Variants in CCP110 observed in about 807,000 individuals in gnomAD.
CCP110 encodes centriolar coiled-coil protein 110.
In CCP110, 43 loss-of-function variants were observed where a neutral mutation model predicts 105.5. The ratio of observed to expected loss-of-function variants is 0.41; its 90% CI spans 0.32 to 0.53. CCP110 has a LOEUF of 0.53. CCP110 is among the 20% of genes least tolerant of loss of function. CCP110 has a pLI of 0.32. For missense variants in CCP110, 1,016 were observed against 1,189.1 expected, an observed-to-expected ratio of 0.85 and a Z score of 2.14; for synonymous variants, 353 against 392.1, an observed-to-expected ratio of 0.90 and a Z score of 1.18.
At chr16:19,543,837 G>A (rs977106587) in intron 8 of CCP110, among the ~76,000 whole-genome samples, 1 of 152,114 alleles carries the variant, frequency 6.6e-6, no homozygotes, top group Non-Finnish European at 1.5e-5. Context: ...TAAATTTGTG[G>A]TCGGACCAGT....
chr16:19,543,126 CTGAT>C (rs1414661973), intron 8 of CCP110, 132 bp downstream of exon 8: 4 of 592,846 alleles, frequency 6.7e-6, no homozygotes, highest in East Asian at 2.9e-5. Context: ...TTTTAGAAGT[CTGAT>C]TGTTTGTTGC....
At chr16:19,526,291 T>C (rs1567345550) in intron 1 of CCP110, 1 of 152,208 alleles carries the variant, frequency 6.6e-6, no homozygotes, top group Non-Finnish European at 1.5e-5. Flanking sequence ...TGCTTGAGTA[T>C]CCATAGAAGA....
intron 6 of CCP110, 71 bp from the exon 7 acceptor site, chr16:19,542,550 T>C (rs1970323417): frequency 9.5e-6 from 11 of 1,157,984 alleles, no homozygotes; most frequent in Non-Finnish European, 1.4e-5. Context: ...GTGTCACAAG[T>C]GTTTATTGGG....
intron 9 of CCP110, 61 bp from the exon 10 acceptor site, chr16:19,545,033 T>C: frequency 1.9e-6 from 2 of 1,063,890 alleles, no homozygotes; most frequent in Non-Finnish European, 1.4e-6. Context: ...TGGTATATAG[T>C]ATTCCTGAAC....
At chr16:19,535,875 A>G in intron 3 of CCP110, 65 bp from the exon 4 acceptor site, 1 of 1,098,648 alleles carries the variant, frequency 9.1e-7, no homozygotes, top group Admixed American at 2.6e-5. Flanking sequence ...TTATTTTAGA[A>G]AACAGTGAAA....
intron 1 of CCP110, chr16:19,526,439 T>A (rs915705692): frequency 6.6e-6 from 1 of 152,194 alleles, no homozygotes; most frequent in African/African-American, 2.4e-5. Context: ...AAAAAGGCTA[T>A]GCCTTAAGGT....
rs1415332998 is a variant in CCP110, at chr16:19,548,685, A to G, written c.2986+85A>G. The G allele has an allele frequency of 7.5e-6, 6 of 799,220 alleles. No homozygotes were observed. Among genetic ancestry groups the G allele is most frequent in the Non-Finnish European group, 1.2e-5 (6 of 499,744 alleles). The allele number at this position is 799,220 out of a possible 1,614,324, so 49.5% of individuals were successfully genotyped here. A position where few individuals can be genotyped will look rare whatever the true frequency, so the allele number is the denominator to read the frequency against. ...ATAACTCAGGCCATAGAAGTGGAAT[A>G]GATTGTCTTTCCTTGCCACCATAAT... On this transcript the variant is annotated intron_variant, in intron 14 of 14. Coordinates refer to ENST00000381396, the Ensembl canonical transcript of CCP110. This position sits in a 1 kb window ranked among gnomAD's most constrained non-coding sequence, Gnocchi z 4.1.
At position 19,527,792 on chromosome 16, in the gene CCP110, G is replaced by A. The variant is rs1211929766; in HGVS notation, c.-15-75G>A. 4.1e-6 allele frequency: 5 copies of A among 1,223,562 alleles called. No individual in the cohort carries two copies. In the East Asian group the frequency reaches 1.3e-4, roughly 31 times the overall value. The allele number at this position is 1,223,562 out of a possible 1,614,324, so 75.8% of individuals were successfully genotyped here. On this transcript the variant is annotated intron_variant, in intron 1 of 14. Transcript: ENST00000381396. ...TTGTGAATTATAGGGACTCTCTCATGCTCTACAAAATCTGCCAAATAATTA... is the reference window on the plus strand; with the variant it reads ...TTGTGAATTATAGGGACTCTCTCATACTCTACAAAATCTGCCAAATAATTA...
At chr16:19,547,875 C>A in intron 12 of CCP110, 80 bp from the exon 13 acceptor site, 1 of 972,128 alleles carries the variant, frequency 1.0e-6, no homozygotes, top group Non-Finnish European at 1.7e-6. Flanking sequence ...TTACAGTCAT[C>A]ATCTTTCATC....
At chr16:19,528,459 C>T (rs72767517) in intron 2 of CCP110, among the ~76,000 whole-genome samples, 4,222 of 152,260 alleles carry the variant, frequency 0.028, 77 homozygotes, top group Non-Finnish European at 0.041. Flanking sequence ...AGTAGTTTAA[C>T]TATGGTCTAT....
rs1281924057 is a variant in CCP110, at chr16:19,548,754, G to C, written c.2986+154G>C. On this transcript the variant is annotated intron_variant, in intron 14 of 14. Transcript: ENST00000381396. This position sits in a 1 kb window ranked among gnomAD's most constrained non-coding sequence, Gnocchi z 4.1. ...ATCTTATTAGTGTTCTTTGGTCTTA[G>C]CATTGTATGGCAGTCAGGAAGTCTT... Among the ~76,000 whole-genome samples the C allele has an allele frequency of 6.6e-6, 1 of 152,120 alleles. No individual in the cohort carries two copies. Among genetic ancestry groups the C allele is most frequent in the African/African-American group, 2.4e-5 (1 of 41,412 alleles).
intron 5 of CCP110, 49 bp from the exon 6 acceptor site, chr16:19,541,838 G>T: frequency 9.5e-7 from 1 of 1,051,930 alleles, no homozygotes; most frequent in Non-Finnish European, 1.3e-6. Flanking sequence ...TATCATTTTG[G>T]GACATAATTA....
chr16:19,535,563 G>A (rs1034485272), intron 3 of CCP110, among the ~76,000 whole-genome samples: 16 of 152,060 alleles, frequency 1.1e-4, no homozygotes, highest in African/African-American at 3.6e-4. Context: ...GGAACAGTTG[G>A]TAATGTTAAT....
chr16:19,549,438 A>C (rs1597282607), intron 14 of CCP110, among the ~76,000 whole-genome samples: 2 of 152,188 alleles, frequency 1.3e-5, no homozygotes, highest in African/African-American at 2.4e-5. Context: ...ATTTCCTTCA[A>C]ATTAGGAGGG....
chr16:19,544,818 A>C (rs779263989), exon 9 of CCP110: 10 of 1,580,722 alleles, frequency 6.3e-6, no homozygotes, highest in Non-Finnish European at 8.7e-6. Flanking sequence ...ATTCATAAGA[A>C]GTTTTCAGTC....
chr16:19,534,299 T>C (rs1032992420), intron 3 of CCP110, among the ~76,000 whole-genome samples: 1 of 152,208 alleles, frequency 6.6e-6, no homozygotes, highest in African/African-American at 2.4e-5. Context: ...TGAGGGAAGA[T>C]AAAATATACT....
chr16:19,540,970 T>C (rs1270903801), intron 5 of CCP110, among the ~76,000 whole-genome samples, 183 bp downstream of exon 5: 1 of 152,232 alleles, frequency 6.6e-6, no homozygotes, highest in African/African-American at 2.4e-5. Flanking sequence ...GATCCTTATC[T>C]AAAAGTAATT....
chr16:19,537,843 C>T (rs985626058), intron 4 of CCP110, among the ~76,000 whole-genome samples: 17 of 152,268 alleles, frequency 1.1e-4, no homozygotes, highest in East Asian at 3.9e-4. Flanking sequence ...CTACAACCTC[C>T]GCCTCCTGGG....
At chr16:19,527,516 A>G (rs1029534878) in intron 1 of CCP110, among the ~76,000 whole-genome samples, 2 of 152,054 alleles carry the variant, frequency 1.3e-5, no homozygotes, top group African/African-American at 4.8e-5. Flanking sequence ...AGTCCTGTTA[A>G]AGAAAATATA....
Sources: allele counts gnomAD v4.1 joint callset (sites outside exome capture counted in the v4.1 genomes callset), GRCh38; gene constraint gnomAD v4.1.1; non-coding constraint Gnocchi (gnomAD v3.1); transcripts MANE v1.5; gene names NCBI Gene and HGNC (gene_info 2026-07-23, HGNC 2026-07-21).